MTRF1: variants seen among roughly 807,000 people sequenced by gnomAD.
MTRF1 encodes the protein peptide chain release factor 1, mitochondrial.
In MTRF1, 51 loss-of-function variants were observed where a neutral mutation model predicts 62.9. The ratio of observed to expected loss-of-function variants is 0.81; its 90% CI spans 0.65 to 1.02. The LOEUF (loss-of-function observed/expected upper bound fraction) is 1.02. MTRF1 is among the 50% of genes least tolerant of loss of function. The pLI is 0.00. For synonymous variants in MTRF1, 158 were observed against 181.9 expected (o/e 0.87, Z 1.06); for missense variants, 446 against 530.0 (o/e 0.84, Z 1.56).
At chr13:41,257,469 A>T (rs920937742) in intron 2 of MTRF1, among the ~76,000 whole-genome samples, 1 of 152,222 alleles carries the variant, frequency 6.6e-6, no homozygotes, top group Non-Finnish European at 1.5e-5. Context: ...CAAGCAGTGG[A>T]TAAGAGCAGA....
At chr13:41,232,565 G>C (rs1416300460) in intron 7 of MTRF1, among the ~76,000 whole-genome samples, 1 of 152,172 alleles carries the variant, frequency 6.6e-6, no homozygotes, top group Admixed American at 6.5e-5. Flanking sequence ...TGTGAAGTTA[G>C]AATAAAGCTA....
At chr13:41,272,619 C>T in the MTRF1 span, among the ~76,000 whole-genome samples, 1 of 152,044 alleles carries the variant, frequency 6.6e-6, no homozygotes, top group Non-Finnish European at 1.5e-5. Flanking sequence ...AAATTAAGAC[C>T]AGCTTATTGT....
At chr13:41,255,981 A>G (rs2039658774) in intron 2 of MTRF1, among the ~76,000 whole-genome samples, 1 of 152,174 alleles carries the variant, frequency 6.6e-6, no homozygotes, top group South Asian at 2.1e-4. Context: ...GAAATGAAGA[A>G]TCACAATTAT....
chr13:41,260,999 T>G, intron 1 of MTRF1, 84 bp from the exon 2 acceptor site: 3 of 1,238,266 alleles, frequency 2.4e-6, no homozygotes, highest in Non-Finnish European at 3.3e-6. Context: ...CATCAAGAAA[T>G]CTTGTTTCAT....
chr13:41,221,448 G>A (rs145722899), intron 9 of MTRF1, among the ~76,000 whole-genome samples: 8,660 of 152,084 alleles, frequency 0.057, 356 homozygotes, highest in Non-Finnish European at 0.085. Flanking sequence ...GTGAGCCACC[G>A]TGCCCAGCCA....
At chr13:41,310,758 CAAG>C in the MTRF1 span, among the ~76,000 whole-genome samples, 1 of 152,096 alleles carries the variant, frequency 6.6e-6, no homozygotes, top group Non-Finnish European at 1.5e-5. Flanking sequence ...GAGTCTGAAT[CAAG>C]GAGGAAAAGG....
chr13:41,283,614 G>C, the MTRF1 span, among the ~76,000 whole-genome samples: 1 of 87,764 alleles, frequency 1.1e-5, no homozygotes, highest in African/African-American at 4.6e-5. Flanking sequence ...TTTTGAGACG[G>C]AGTCTCGCTC....
the MTRF1 span, among the ~76,000 whole-genome samples, chr13:41,285,592 T>C: frequency 6.6e-6 from 1 of 152,184 alleles, no homozygotes; most frequent in Non-Finnish European, 1.5e-5. Flanking sequence ...GAAGCTGGTA[T>C]CCTCCTTGGC....
At position 41,230,666 on chromosome 13, in the gene MTRF1, C is replaced by CT. The variant is rs1338567995; in HGVS notation, c.988+3223dup. 6.7e-5 allele frequency among the ~76,000 whole-genome samples: 10 copies of CT among 149,372 alleles called. No homozygotes were observed. In the Admixed American group the frequency reaches 6.7e-4, roughly 10 times the overall value. On this transcript the variant is annotated intron_variant, in intron 7 of 9. Transcript: ENST00000379480. ...ATTTTGGATATTTAGGTTGTTTTAACTTTTCATACAACAAACAATACAAGC... is the reference window on the plus strand; with the variant it reads ...ATTTTGGATATTTAGGTTGTTTTAACTTTTTCATACAACAAACAATACAAGC...
At chr13:41,270,697 A>G in the MTRF1 span, among the ~76,000 whole-genome samples, 1 of 152,096 alleles carries the variant, frequency 6.6e-6, no homozygotes, top group Non-Finnish European at 1.5e-5. Flanking sequence ...AATTAAACAT[A>G]AAACTATATA....
At chr13:41,242,121 A>G (rs756196407) in intron 5 of MTRF1, among the ~76,000 whole-genome samples, 6 of 151,598 alleles carry the variant, frequency 4.0e-5, no homozygotes, top group Non-Finnish European at 7.4e-5. Context: ...CTACCAAGAT[A>G]CCAACGTTTT....
At position 41,228,212 on chromosome 13, in the gene MTRF1, G is replaced by A. The variant is rs1024534613; in HGVS notation, c.989-1644C>T. ...ATTATAATGTACTTTCTATAGAGGA[G>A]TATTTAATAATGAGTACTCCCTTAA... On this transcript the variant is annotated intron_variant, in intron 7 of 9. Coordinates refer to ENST00000379480, the MANE Select transcript of MTRF1 (RefSeq NM_004294.4). Among the ~76,000 whole-genome samples, 4 of 152,134 alleles carry A rather than the reference G, an allele frequency of 2.6e-5. No individual in the cohort carries two copies. The South Asian group carries it at 6.2e-4, about 24-fold the overall frequency.
the MTRF1 span, among the ~76,000 whole-genome samples, chr13:41,300,585 CAAA>C: frequency 5.3e-5 from 4 of 75,418 alleles, no homozygotes; most frequent in Non-Finnish European, 2.7e-5. Flanking sequence ...GACTCCGTCT[CAAA>C]AAAAAAAAAA....
chr13:41,271,091 AC>A, the MTRF1 span, among the ~76,000 whole-genome samples: 343 of 137,206 alleles, frequency 2.5e-3, no homozygotes, highest in African/African-American at 8.2e-3. Flanking sequence ...ACACACACAC[AC>A]CCCATATAGC....
the MTRF1 span, among the ~76,000 whole-genome samples, chr13:41,292,458 G>A: frequency 6.6e-6 from 1 of 151,830 alleles, no homozygotes; most frequent in Admixed American, 6.6e-5. Flanking sequence ...GTGGGTGCCT[G>A]TAATCCCAGC....
Position 41,226,464 on chromosome 13 carries a change from T to C in MTRF1, c.1093A>G (p.Lys365Glu), listed in dbSNP as rs756609128. ...TTTCTAGCACTTTGTTGCTGACGCT[T>C]GTCTTTCTCAATAATCTGCTGGTAG... ...RLYQQIIEKD[K>E]RQQQSARKLQ... Residue 365 changes from lysine (K) to glutamate (E), a missense_variant, in exon 8 of 10, where the codon AAG becomes GAG. Coordinates refer to ENST00000379480, the MANE Select transcript of MTRF1 (RefSeq NM_004294.4). The C allele has an allele frequency of 5.6e-5, 91 of 1,613,052 alleles. No individual in the cohort carries two copies. The highest frequency in any genetic ancestry group is 7.5e-5 in the Non-Finnish European group (89 of 1,179,880).
intron 9 of MTRF1, among the ~76,000 whole-genome samples, chr13:41,217,813 C>T (rs1425224781): frequency 6.6e-6 from 1 of 152,214 alleles, no homozygotes; most frequent in Non-Finnish European, 1.5e-5. Context: ...CCTCCCCCGA[C>T]CATTCAAGCT....
At chr13:41,311,439 C>A in the MTRF1 span, 1 of 1,268,732 alleles carries the variant, frequency 7.9e-7, no homozygotes, top group Non-Finnish European at 1.1e-6. Flanking sequence ...CGACTCTCAG[C>A]AGCGGTTCGT....
Position 41,224,439 on chromosome 13 carries a change from G to A in MTRF1, c.1126-1085C>T, listed in dbSNP as rs146006861. On this transcript the variant is annotated intron_variant, in intron 8 of 9. Transcript: ENST00000379480. The stretch of plus-strand genomic sequence containing the variant: ...TATTGTCTTAAACCCTAAGGCAAGT[G>A]ATATGAAACTAAACTCCTGACCATT... Among the ~76,000 whole-genome samples, 367 of 152,332 alleles carry A rather than the reference G, an allele frequency of 2.4e-3. 1 individual carries two copies. Among genetic ancestry groups the A allele is most frequent in the African/African-American group, 7.6e-3 (316 of 41,560 alleles).
Sources: gnomAD v4.1 joint callset for allele counts (sites outside exome capture counted in the v4.1 genomes callset) on GRCh38, gnomAD v4.1.1 for gene constraint, MANE v1.5 for transcripts, NCBI Gene and HGNC (gene_info 2026-07-23, HGNC 2026-07-21) for gene names.